CDH2: variants seen among roughly 807,000 people sequenced by gnomAD.
CDH2 encodes the protein cadherin 2.
A neutral mutation model predicts 92.0 loss-of-function variants in CDH2; 17 were observed. The observed-to-expected ratio is 0.18, with a 90% confidence interval of 0.13 to 0.28. The LOEUF is 0.28. Among genes scored for constraint, CDH2 ranks in the 10% least tolerant of loss-of-function variants. The pLI is 1.00. For synonymous variants in CDH2, 419 were observed against 415.9 expected, an observed-to-expected ratio of 1.01 and a Z score of -0.09; for missense variants, 862 against 1,133.1, an observed-to-expected ratio of 0.76 and a Z score of 3.44.
At chr18:28,002,920 G>GAT in intron 7 of CDH2, 77 bp downstream of exon 7, 1 of 1,239,930 alleles carries the variant, frequency 8.1e-7, no homozygotes. Flanking sequence ...GTGATGTGGA[G>GAT]ATAAAATGTA....
At position 28,023,192 on chromosome 18, in the gene CDH2, A is replaced by C. The variant is rs1181638129; in HGVS notation, c.173-9283T>G. 2.6e-5 allele frequency among the ~76,000 whole-genome samples: 4 copies of C among 152,178 alleles called. No homozygotes were observed. In the East Asian group the frequency reaches 7.7e-4, roughly 29 times the overall value. ...AATCACGATTTATAAGCAAACTTTT[A>C]TGTACAAGAGCTGCTATGTGAGTAA... is the stretch of plus-strand genomic sequence containing the variant. On this transcript the variant is annotated intron_variant, in intron 2 of 15. Coordinates refer to ENST00000269141, the MANE Select transcript of CDH2 (RefSeq NM_001792.5).
chr18:28,081,219 T>G (rs894768095), intron 2 of CDH2, among the ~76,000 whole-genome samples: 3 of 152,204 alleles, frequency 2.0e-5, no homozygotes, highest in Non-Finnish European at 2.9e-5. Flanking sequence ...TTCCTTTAAC[T>G]CTTAAGAGTT....
At chr18:28,005,775 T>A in intron 6 of CDH2, 74 bp downstream of exon 6, 1 of 970,654 alleles carries the variant, frequency 1.0e-6, no homozygotes, top group African/African-American at 1.6e-5. Context: ...TTTCTCCATT[T>A]CTTGCTCATA....
chr18:28,021,701 T>C (rs1243299870), intron 2 of CDH2, among the ~76,000 whole-genome samples: 1 of 151,762 alleles, frequency 6.6e-6, no homozygotes, highest in Non-Finnish European at 1.5e-5. Context: ...AAACCACAGA[T>C]CTTATATATT....
At chr18:28,067,882 A>C (rs1295429901) in intron 2 of CDH2, among the ~76,000 whole-genome samples, 2 of 152,188 alleles carry the variant, frequency 1.3e-5, no homozygotes, top group Admixed American at 6.6e-5. Context: ...CATTTCTATA[A>C]TGATAAATTA....
intron 1 of CDH2, among the ~76,000 whole-genome samples, chr18:28,173,074 G>A (rs1307368943): frequency 6.6e-6 from 1 of 152,030 alleles, no homozygotes; most frequent in African/African-American, 2.4e-5. Context: ...AAAATAATCT[G>A]CTCCAGAAAG....
chr18:27,935,469 C>A (rs1323864029), intron 6 of CDH2, among the ~76,000 whole-genome samples: 1 of 152,142 alleles, frequency 6.6e-6, no homozygotes, highest in African/African-American at 2.4e-5. Flanking sequence ...ACAATCATCT[C>A]CCACTAGGCC....
At chr18:28,047,640 G>A (rs1040997251) in intron 2 of CDH2, among the ~76,000 whole-genome samples, 1 of 152,030 alleles carries the variant, frequency 6.6e-6, no homozygotes, top group African/African-American at 2.4e-5. Context: ...AGGCCGAGGT[G>A]GGTGGATCAC....
At position 28,007,034 on chromosome 18, in the gene CDH2, G is replaced by A. The variant is rs184472972; in HGVS notation, c.703-1041C>T. Among the ~76,000 whole-genome samples the A allele has an allele frequency of 5.4e-3, 812 of 150,778 alleles. 8 individuals are homozygous for A. Among genetic ancestry groups the A allele is most frequent in the South Asian group, 0.018 (85 of 4,744 alleles). ...TAAAAATACAAAAAATTAGCTGGGT[G>A]CCTGTAATCCCAGCTACTCAGAGGC... On this transcript the variant is annotated intron_variant, in intron 5 of 15. Transcript: ENST00000269141.
At chr18:28,075,495 G>C (rs1370068540) in intron 2 of CDH2, among the ~76,000 whole-genome samples, 1 of 152,128 alleles carries the variant, frequency 6.6e-6, no homozygotes, top group Non-Finnish European at 1.5e-5. Context: ...GAACAAACAG[G>C]GAACTGACAT....
chr18:28,018,632 C>T (rs1241330369), intron 2 of CDH2, among the ~76,000 whole-genome samples: 1 of 151,778 alleles, frequency 6.6e-6, no homozygotes, highest in Non-Finnish European at 1.5e-5. Flanking sequence ...TGTAATACCA[C>T]CTCACTCTGT....
intron 1 of CDH2, among the ~76,000 whole-genome samples, chr18:28,157,688 C>T (rs925003477): frequency 6.6e-6 from 1 of 152,090 alleles, no homozygotes; most frequent in African/African-American, 2.4e-5. Context: ...AATCTGCCTG[C>T]TGCCATAATA....
intron 2 of CDH2, among the ~76,000 whole-genome samples, chr18:28,141,170 C>T (rs2015946543): frequency 6.6e-6 from 1 of 151,684 alleles, no homozygotes; most frequent in African/African-American, 2.4e-5. Context: ...CAATTCTACT[C>T]CCAGGTATAT....
chr18:28,104,445 A>T (rs777780839), intron 2 of CDH2, among the ~76,000 whole-genome samples: 4 of 151,966 alleles, frequency 2.6e-5, no homozygotes, highest in Non-Finnish European at 5.9e-5. Flanking sequence ...ATTTTTTAAA[A>T]ACCATGAAGC....
chr18:28,039,423 A>AG (rs543024410), intron 2 of CDH2, among the ~76,000 whole-genome samples: 18 of 152,166 alleles, frequency 1.2e-4, no homozygotes, highest in Non-Finnish European at 2.6e-4. Context: ...TTTCGCATAC[A>AG]GGATCATATC....
intron 2 of CDH2, among the ~76,000 whole-genome samples, chr18:28,076,005 T>C (rs949198551): frequency 2.6e-5 from 4 of 152,172 alleles, no homozygotes; most frequent in African/African-American, 9.7e-5. Context: ...TTGTTATTTG[T>C]GATATTACTA....
chr18:27,953,657 G>C (rs1909571635), intron 15 of CDH2, among the ~76,000 whole-genome samples: 2 of 50,442 alleles, frequency 4.0e-5, no homozygotes, highest in Non-Finnish European at 8.5e-5. Flanking sequence ...AAAAATTAAG[G>C]TCAGAATCAG....
At chr18:28,084,543 G>C (rs182990163) in intron 2 of CDH2, among the ~76,000 whole-genome samples, 1 of 151,688 alleles carries the variant, frequency 6.6e-6, no homozygotes, top group East Asian at 1.9e-4. Context: ...CAAAGAAAGG[G>C]AATAGTACTT....
At chr18:27,959,973 C>T (rs1026822863) in intron 15 of CDH2, among the ~76,000 whole-genome samples, 1 of 151,522 alleles carries the variant, frequency 6.6e-6, no homozygotes, top group African/African-American at 2.4e-5. Flanking sequence ...TATGATTGTG[C>T]CACTGCACTC....
Sources: allele counts gnomAD v4.1 joint callset (sites outside exome capture counted in the v4.1 genomes callset), GRCh38; gene constraint gnomAD v4.1.1; transcripts MANE v1.5; gene names NCBI Gene and HGNC (gene_info 2026-07-23, HGNC 2026-07-21).